The following RALGAPA1 variants were observed in gnomAD, a reference collection of about 807,000 sequenced individuals.
RALGAPA1 encodes the protein Ral GTPase activating protein catalytic subunit alpha 1.
In RALGAPA1, 52 loss-of-function variants were observed where a neutral mutation model predicts 269.6. The observed-to-expected ratio is 0.19, with a 90% CI of 0.15 to 0.24. The LOEUF is 0.24. Ranked by LOEUF, RALGAPA1 falls within the 10% of genes least tolerant of loss-of-function variation. RALGAPA1 has a pLI of 1.00. For missense variants in RALGAPA1, 1,917 were observed against 3,013.9 expected, an observed-to-expected ratio of 0.64 and a Z score of 8.52; for synonymous variants, 817 against 1,008.3, an observed-to-expected ratio of 0.81 and a Z score of 3.60.
chr14:35,555,711 C>T (rs1226941125), intron 39 of RALGAPA1, among the ~76,000 whole-genome samples: 2 of 152,132 alleles, frequency 1.3e-5, no homozygotes, highest in Non-Finnish European at 2.9e-5. Flanking sequence ...TGTTTATAGG[C>T]AGCAATAAGG....
chr14:35,563,779 A>G (rs573972547), intron 39 of RALGAPA1, among the ~76,000 whole-genome samples: 17 of 152,292 alleles, frequency 1.1e-4, no homozygotes, highest in African/African-American at 4.1e-4. Context: ...GAACACTTAC[A>G]CTAGCCTGCA....
intron 27 of RALGAPA1, among the ~76,000 whole-genome samples, chr14:35,659,688 A>G (rs1232717818): frequency 2.0e-5 from 3 of 152,128 alleles, no homozygotes; most frequent in Non-Finnish European, 4.4e-5. Context: ...AATTAATTAC[A>G]GGCCAATATC....
Position 35,683,942 on chromosome 14 carries a change from A to G in RALGAPA1, c.4338T>C (p.Asp1446=). ...GTDTGVTSSA[D]VDSGSGHHQS... ...GATGATGGCCAGAACCTGAATCCAC[A>G]TCAGCAGAGGACGTAACCCCAGTGT... Residue 1446 remains aspartate (D), a synonymous_variant, in exon 21 of 42, where the codon GAT becomes GAC. Transcript: ENST00000680220. The G allele has an allele frequency of 1.9e-6, 3 of 1,613,598 alleles. No individual in the cohort carries two copies. Among genetic ancestry groups the G allele is most frequent in the Non-Finnish European group, 2.5e-6 (3 of 1,179,710 alleles).
chr14:35,687,129 A>G (rs2066009680), intron 18 of RALGAPA1, among the ~76,000 whole-genome samples: 1 of 152,204 alleles, frequency 6.6e-6, no homozygotes, highest in Non-Finnish European at 1.5e-5. Flanking sequence ...GTTTTGATAT[A>G]CTGCTGTTTC....
intron 38 of RALGAPA1, among the ~76,000 whole-genome samples, chr14:35,571,850 C>A (rs751013656): frequency 6.6e-6 from 1 of 152,182 alleles, no homozygotes; most frequent in African/African-American, 2.4e-5. Context: ...TAGGTGAACC[C>A]TGAAGAAACC....
In RALGAPA1 at chr14:35,627,938, C is replaced by T. The variant is rs768346661; in HGVS notation, c.6009G>A (p.Met2003Ile). The change falls in exon 34 of 42, where the codon ATG (methionine) becomes ATA (isoleucine). Residue 2003 changes from methionine (M) to isoleucine (I), a missense_variant. Coordinates refer to ENST00000680220, the MANE Select transcript of RALGAPA1 (RefSeq NM_001346249.2). ...LQPVTEVKTQ[M>I]QHGLISIAAR... ...CTGCTATAGAGATTAATCCATGCTG[C>T]ATTTGAGTTTTCACTGGAAATAAAA... 10 of 1,541,912 alleles carry T rather than the reference C, an allele frequency of 6.5e-6. No individual in the cohort carries two copies. The highest frequency in any genetic ancestry group is 8.7e-6 in the Non-Finnish European group (10 of 1,144,852).
At position 35,541,982 on chromosome 14, in the gene RALGAPA1, T is replaced by C. The variant is rs143947481; in HGVS notation, c.*24-2292A>G. On this transcript the variant is annotated intron_variant, in intron 41 of 41. Coordinates refer to ENST00000680220, the MANE Select transcript of RALGAPA1 (RefSeq NM_001346249.2). ...TTGGGCATGCAATGCATTAGGGTGA[T>C]GGTTCACAATGACAATGCTTTGTAA... is the stretch of plus-strand genomic sequence containing the variant. 3.8e-4 allele frequency: 464 copies of C among 1,215,356 alleles called. 2 individuals carry two copies. In the African/African-American group the frequency reaches 6.6e-3, roughly 17 times the overall value. 75.3% of individuals were successfully genotyped at this position (1,215,356 alleles called of 1,614,324 possible).
At chr14:35,633,607 C>T (rs1431942575) in intron 33 of RALGAPA1, among the ~76,000 whole-genome samples, 2 of 152,036 alleles carry the variant, frequency 1.3e-5, no homozygotes, top group Admixed American at 6.6e-5. Context: ...CAAAAGTAAC[C>T]ATAATGACAA....
intron 25 of RALGAPA1, 27 bp from the exon 26 acceptor site, chr14:35,671,544 G>A: frequency 7.8e-7 from 1 of 1,282,736 alleles, no homozygotes; most frequent in Non-Finnish European, 1.1e-6. Context: ...AAGGAAAAAA[G>A]AATATCACAT....
Position 35,688,603 on chromosome 14 carries a change from C to A in RALGAPA1, c.3808G>T (p.Gly1270Cys). 1 of 1,535,524 alleles carries A rather than the reference C, an allele frequency of 6.5e-7. No homozygotes were observed. Among genetic ancestry groups the A allele is most frequent in the Non-Finnish European group, 8.7e-7 (1 of 1,146,786 alleles). ...TGTACAACAGTTTTATAAACGCCACCCAGGGAGCCCTGCTGTAGTCCTGCC... is the reference window on the plus strand; with the variant it reads ...TGTACAACAGTTTTATAAACGCCACACAGGGAGCCCTGCTGTAGTCCTGCC... ...HEAGLQQGSL[G>C]GVYKTVVHAL... The change falls in exon 18 of 42, where the codon GGT becomes TGT. Residue 1270 changes from glycine (G) to cysteine (C), a missense_variant. Coordinates refer to ENST00000680220, the MANE Select transcript of RALGAPA1 (RefSeq NM_001346249.2).
chr14:35,742,602 T>C lies in RALGAPA1; in HGVS notation c.1252-37A>G, dbSNP rs201768063. On this transcript the variant is annotated intron_variant, in intron 10 of 41. Transcript: ENST00000680220. ...AAGGAGAATCAAGATAATGATACTT[T>C]TTCCTTTGCCACAAACCACTAACGC... is the stretch of plus-strand genomic sequence containing the variant. 5.7e-5 allele frequency: 83 copies of C among 1,464,932 alleles called. 1 individual carries two copies. The highest frequency in any genetic ancestry group is 3.8e-4 in the South Asian group (33 of 87,458). 90.7% of individuals were successfully genotyped at this position (1,464,932 alleles called of 1,614,324 possible).
intron 39 of RALGAPA1, among the ~76,000 whole-genome samples, chr14:35,566,038 C>T (rs2056670150): frequency 6.6e-6 from 1 of 151,982 alleles, no homozygotes; most frequent in Admixed American, 6.6e-5. Flanking sequence ...CCAATGGTTA[C>T]ACAGAATCTG....
chr14:35,678,967 C>T (rs934539329), intron 21 of RALGAPA1, among the ~76,000 whole-genome samples: 3 of 152,150 alleles, frequency 2.0e-5, no homozygotes, highest in Admixed American at 1.3e-4. Flanking sequence ...TACCACTTAT[C>T]ACACTGACTT....
At chr14:35,654,328 T>A (rs1345722004) in intron 30 of RALGAPA1, 39 bp downstream of exon 30, 6 of 1,517,240 alleles carry the variant, frequency 4.0e-6, no homozygotes, top group East Asian at 4.8e-5. Flanking sequence ...TCTAAAAAAA[T>A]TTAACAAGGT....
chr14:35,753,692 G>A (rs773654242), intron 7 of RALGAPA1, among the ~76,000 whole-genome samples: 8 of 152,084 alleles, frequency 5.3e-5, no homozygotes, highest in African/African-American at 7.2e-5. Flanking sequence ...GGGGATGAAA[G>A]GGTTGAGGGT....
intron 26 of RALGAPA1, among the ~76,000 whole-genome samples, chr14:35,669,967 C>T (rs1055368674): frequency 5.9e-5 from 9 of 152,186 alleles, no homozygotes; most frequent in East Asian, 1.9e-4. Flanking sequence ...TGCTAGGCTC[C>T]GGAGATACCA....
At chr14:35,795,015 CATTT>C (rs2076459471) in intron 1 of RALGAPA1, among the ~76,000 whole-genome samples, 1 of 152,172 alleles carries the variant, frequency 6.6e-6, no homozygotes, top group African/African-American at 2.4e-5. Context: ...CAGTCTCATT[CATTT>C]AAGAGAACCT....
intron 30 of RALGAPA1, among the ~76,000 whole-genome samples, chr14:35,652,324 C>T (rs534512547): frequency 2.0e-5 from 3 of 151,870 alleles, no homozygotes; most frequent in Admixed American, 2.0e-4. Flanking sequence ...AATCCTATCA[C>T]CTGAAGAAAT....
At chr14:35,800,554 A>G (rs1389962738) in intron 1 of RALGAPA1, among the ~76,000 whole-genome samples, 1 of 152,264 alleles carries the variant, frequency 6.6e-6, no homozygotes, top group Admixed American at 6.5e-5. Context: ...AAATGAAAAT[A>G]CAAAATATTC....
Sources: gnomAD v4.1 joint callset for allele counts (sites outside exome capture counted in the v4.1 genomes callset) on GRCh38, gnomAD v4.1.1 for gene constraint, MANE v1.5 for transcripts, NCBI Gene and HGNC (gene_info 2026-07-23, HGNC 2026-07-21) for gene names.